PDE10A: variants seen among roughly 807,000 people sequenced by gnomAD.
PDE10A encodes cAMP and cAMP-inhibited cGMP 3',5'-cyclic phosphodiesterase 10A.
PDE10A carries 39 observed loss-of-function variants against 97.7 expected under a neutral mutation model. The ratio of observed to expected loss-of-function variants is 0.40; its 90% CI spans 0.31 to 0.52. The LOEUF (loss-of-function observed/expected upper bound fraction) is 0.52. Among genes scored for constraint, PDE10A ranks in the 20% least tolerant of loss-of-function variants. PDE10A has a pLI of 0.56. For missense variants in PDE10A, 731 were observed against 1,047.8 expected (o/e 0.70, Z 4.17); for synonymous variants, 371 against 376.8 (o/e 0.98, Z 0.18).
intron 3 of PDE10A, among the ~76,000 whole-genome samples, chr6:165,480,843 A>C (rs1369254869): frequency 6.6e-6 from 1 of 152,192 alleles, no homozygotes; most frequent in South Asian, 2.1e-4. Context: ...TAGTCAAATA[A>C]GTATTGATCA....
chr6:165,779,584 T>G (rs78449245), intron 1 of PDE10A, among the ~76,000 whole-genome samples: 4,590 of 152,326 alleles, frequency 0.03, 154 homozygotes, highest in East Asian at 0.095. Context: ...AAATGTTACT[T>G]GCTTTTAAAA....
rs147323820 is a variant in PDE10A at position 165,332,594 on chromosome 6, A to G, written c.*431T>C. Reference sequence around the variant, plus strand: ...GTAATGTGTAAAAATTCCTATTTATATCCAACAACATCAAAGCAACATTGA... The same window carrying G: ...GTAATGTGTAAAAATTCCTATTTATGTCCAACAACATCAAAGCAACATTGA... On this transcript the variant is annotated 3_prime_UTR_variant, in exon 22 of 22. Coordinates refer to ENST00000539869, the MANE Select transcript of PDE10A (RefSeq NM_001385079.1). 1 of 157,976 alleles carries G rather than the reference A, an allele frequency of 6.3e-6. No homozygotes were observed. The highest frequency in any genetic ancestry group is 1.4e-5 in the Non-Finnish European group (1 of 72,056). 9.8% of individuals were successfully genotyped at this position (157,976 alleles called of 1,614,324 possible).
intron 10 of PDE10A, among the ~76,000 whole-genome samples, chr6:165,427,682 A>G (rs1299427584): frequency 6.6e-6 from 1 of 152,118 alleles, no homozygotes; most frequent in Non-Finnish European, 1.5e-5. Flanking sequence ...TTAAAAGAAC[A>G]TATTAATAAT....
chr6:165,794,084 T>C (rs1045946544), intron 1 of PDE10A, among the ~76,000 whole-genome samples: 3 of 151,954 alleles, frequency 2.0e-5, no homozygotes, highest in Middle Eastern at 3.4e-3. Flanking sequence ...AGCCTCCTGT[T>C]TATTGTGATG....
At chr6:165,498,810 T>C (rs1279082422) in intron 2 of PDE10A, among the ~76,000 whole-genome samples, 1 of 152,216 alleles carries the variant, frequency 6.6e-6, no homozygotes, top group East Asian at 1.9e-4. Flanking sequence ...TGAAAATGTT[T>C]TTGTTATTAT....
intron 1 of PDE10A, among the ~76,000 whole-genome samples, chr6:165,821,574 GC>G (rs1385730060): frequency 6.6e-6 from 1 of 151,924 alleles, no homozygotes; most frequent in Non-Finnish European, 1.5e-5. Context: ...GAGTGCAGTG[GC>G]GTGCGTGATC....
intron 1 of PDE10A, chr6:165,910,966 G>A (rs1230336080): frequency 1.3e-5 from 2 of 152,192 alleles, no homozygotes; most frequent in African/African-American, 4.8e-5. Context: ...TCAGCACATG[G>A]CTCATGCTCC....
At chr6:165,591,967 T>G (rs896212524) in intron 1 of PDE10A, among the ~76,000 whole-genome samples, 6 of 152,138 alleles carry the variant, frequency 3.9e-5, no homozygotes, top group African/African-American at 1.4e-4. Flanking sequence ...GCAGCATTGG[T>G]TTTAATTCAA....
intron 18 of PDE10A, among the ~76,000 whole-genome samples, chr6:165,365,783 T>C (rs1783734878): frequency 6.6e-6 from 1 of 152,052 alleles, no homozygotes; most frequent in Non-Finnish European, 1.5e-5. Context: ...AATGAGTAAT[T>C]CCCAAAATGA....
chr6:165,927,340 G>T (rs1054977120), intron 1 of PDE10A, among the ~76,000 whole-genome samples: 2 of 152,006 alleles, frequency 1.3e-5, no homozygotes, highest in South Asian at 2.1e-4. Flanking sequence ...CAGCCTAAAA[G>T]CCAACAACAG....
At chr6:165,385,635 T>G (rs1785251943) in intron 17 of PDE10A, among the ~76,000 whole-genome samples, 1 of 152,158 alleles carries the variant, frequency 6.6e-6, no homozygotes, top group Non-Finnish European at 1.5e-5. Context: ...TTAAATTGGA[T>G]TTCAGGGACC....
At position 165,809,415 on chromosome 6, in the gene PDE10A, C is replaced by T. The variant is rs148980357; in HGVS notation, c.-615+178114G>A. ...CTTCCTTGCTGGGCTTTGCATCCTCCTCACACTGCTCCTTTGTTTTCCCTC... is the reference window on the plus strand; with the variant it reads ...CTTCCTTGCTGGGCTTTGCATCCTCTTCACACTGCTCCTTTGTTTTCCCTC... On this transcript the variant is annotated intron_variant, in intron 1 of 19. Coordinates refer to the PDE10A transcript ENST00000366882. Among the ~76,000 whole-genome samples the T allele has an allele frequency of 5.1e-3, 773 of 152,316 alleles. 9 individuals are homozygous for T. Among genetic ancestry groups the T allele is most frequent in the South Asian group, 0.023 (113 of 4,822 alleles).
intron 2 of PDE10A, among the ~76,000 whole-genome samples, chr6:165,537,679 C>G (rs495231): frequency 6.6e-5 from 10 of 151,896 alleles, no homozygotes; most frequent in African/African-American, 2.4e-4. Context: ...GAATTCGTAT[C>G]AACTTTATCT....
intron 1 of PDE10A, among the ~76,000 whole-genome samples, chr6:165,683,869 G>A (rs1276482396): frequency 6.6e-6 from 1 of 152,082 alleles, no homozygotes; most frequent in Admixed American, 6.5e-5. Flanking sequence ...TTCCATGACC[G>A]GTGTCCTAGG....
In PDE10A at chr6:165,543,427, C is replaced by T; in HGVS notation, c.994+13G>A. 1 of 1,608,294 alleles carries T rather than the reference C, an allele frequency of 6.2e-7. No individual in the cohort carries two copies. Among genetic ancestry groups the T allele is most frequent in the Non-Finnish European group, 8.5e-7 (1 of 1,178,068 alleles). On this transcript the variant is annotated intron_variant, in intron 2 of 21. Coordinates refer to ENST00000539869, the MANE Select transcript of PDE10A (RefSeq NM_001385079.1). ...AAAAGCTGGTTTAAAATGAGATCCA[C>T]AAGAGACCTTACCTTCTGATTTGTT...
At chr6:165,765,281 G>A (rs185711610) in intron 1 of PDE10A, among the ~76,000 whole-genome samples, 12 of 152,220 alleles carry the variant, frequency 7.9e-5, no homozygotes, top group African/African-American at 2.4e-4. Context: ...CACGCCATGC[G>A]CTCTCACTCC....
At chr6:165,831,478 C>CTTTTTTTTTTTTTTTTT (rs200237321) in intron 1 of PDE10A, among the ~76,000 whole-genome samples, 5 of 133,828 alleles carry the variant, frequency 3.7e-5, no homozygotes, top group Non-Finnish European at 4.6e-5. Flanking sequence ...TTGCAGGAGT[C>CTTTTTTTTTTTTTTTTT]TTTTTTTTTT....
chr6:165,520,577 C>T (rs1225045197), intron 2 of PDE10A, among the ~76,000 whole-genome samples: 1 of 152,078 alleles, frequency 6.6e-6, no homozygotes, highest in African/African-American at 2.4e-5. Flanking sequence ...TTTTTCAGAT[C>T]AAGCACTAAG....
chr6:165,710,110 C>T (rs900381841), intron 1 of PDE10A, among the ~76,000 whole-genome samples: 3 of 152,118 alleles, frequency 2.0e-5, no homozygotes, highest in Non-Finnish European at 4.4e-5. Context: ...CGAATCTTCA[C>T]GTGCAGGCTC....
Sources: gnomAD v4.1 joint callset for allele counts (sites outside exome capture counted in the v4.1 genomes callset) on GRCh38, gnomAD v4.1.1 for gene constraint, MANE v1.5 for transcripts, NCBI Gene and HGNC (gene_info 2026-07-23, HGNC 2026-07-21) for gene names.